RAB3C: variants seen among roughly 807,000 people sequenced by gnomAD.
RAB3C encodes the protein RAB3C, member RAS oncogene family.
Under a neutral mutation model 26.4 loss-of-function variants are expected in RAB3C, and 17 were observed. That is an observed-to-expected ratio of 0.64 (90% CI 0.44 to 0.97). The LOEUF (loss-of-function observed/expected upper bound fraction) is 0.97, where lower values mean the gene tolerates loss of function less well. Among genes scored for constraint, RAB3C ranks in the 50% least tolerant of loss-of-function variants. The pLI, the probability that RAB3C is intolerant of heterozygous loss-of-function variation, is 0.00. For missense variants in RAB3C, 242 were observed against 281.9 expected (o/e 0.86, Z 1.01); for synonymous variants, 91 against 95.9 (o/e 0.95, Z 0.30).
At chr5:58,591,820 C>T (rs971254460) in intron 1 of RAB3C, among the ~76,000 whole-genome samples, 3 of 144,342 alleles carry the variant, frequency 2.1e-5, no homozygotes, top group Admixed American at 6.9e-5. Context: ...TTCTCTGTTT[C>T]GTTTTTATAT....
At chr5:58,769,203 T>C (rs1024507205) in intron 3 of RAB3C, among the ~76,000 whole-genome samples, 2 of 151,834 alleles carry the variant, frequency 1.3e-5, no homozygotes, top group African/African-American at 4.8e-5. Flanking sequence ...GGGGTGAAGG[T>C]AGAGATAGCA....
intron 4 of RAB3C, among the ~76,000 whole-genome samples, chr5:58,833,174 G>C (rs1743655210): frequency 6.6e-6 from 1 of 152,068 alleles, no homozygotes; most frequent in Non-Finnish European, 1.5e-5. Context: ...CTAAAGGATA[G>C]ACTGGAGGGT....
intron 2 of RAB3C, among the ~76,000 whole-genome samples, chr5:58,649,239 A>T (rs1375464229): frequency 6.6e-6 from 1 of 152,098 alleles, no homozygotes; most frequent in African/African-American, 2.4e-5. Flanking sequence ...ACTAAGTAGG[A>T]TCTAAGACAT....
In RAB3C at chr5:58,851,609, C is replaced by G; in HGVS notation, c.*258C>G. On this transcript the variant is annotated 3_prime_UTR_variant, in exon 5 of 5. Coordinates refer to ENST00000282878, the MANE Select transcript of RAB3C (RefSeq NM_138453.4). ...ACTTGTTATTTATTTGTCTGCTAGG[C>G]TCTTTTTGTTTCAAATTTGTTCTCA... 2.8e-6 allele frequency: 1 copy of G among 354,020 alleles called. No individual in the cohort carries two copies. The allele number at this position is 354,020 out of a possible 1,614,324, so 21.9% of individuals were successfully genotyped here.
chr5:58,697,444 C>T (rs757656426), intron 2 of RAB3C, among the ~76,000 whole-genome samples: 8 of 151,854 alleles, frequency 5.3e-5, no homozygotes, highest in African/African-American at 9.7e-5. Context: ...TAGGTCTGCT[C>T]GTTGCAGAGC....
chr5:58,611,996 C>A (rs1746713835), intron 1 of RAB3C, among the ~76,000 whole-genome samples: 1 of 152,058 alleles, frequency 6.6e-6, no homozygotes, highest in Non-Finnish European at 1.5e-5. Context: ...GAGTCCTTTC[C>A]CCATTGCTTG....
chr5:58,756,342 ATATGT>A (rs1741657976), intron 3 of RAB3C, among the ~76,000 whole-genome samples: 11 of 138,452 alleles, frequency 7.9e-5, no homozygotes, highest in Non-Finnish European at 1.5e-4. Flanking sequence ...TATAACATAT[ATATGT>A]TATATATATA....
intron 2 of RAB3C, among the ~76,000 whole-genome samples, chr5:58,705,613 T>C (rs1033255506): frequency 6.6e-6 from 1 of 152,144 alleles, no homozygotes; most frequent in African/African-American, 2.4e-5. Flanking sequence ...AGGGAGAATA[T>C]AAGTCTCTTG....
intron 2 of RAB3C, among the ~76,000 whole-genome samples, chr5:58,674,511 A>G (rs1250240319): frequency 1.3e-5 from 2 of 152,248 alleles, no homozygotes. Context: ...TATAATGCCA[A>G]GAAATCATGT....
chr5:58,785,627 G>A (rs754737490), intron 3 of RAB3C, among the ~76,000 whole-genome samples: 33 of 152,178 alleles, frequency 2.2e-4, no homozygotes, highest in Non-Finnish European at 4.0e-4. Context: ...GGTCCAGTGT[G>A]TAATTGAGTT....
intron 3 of RAB3C, among the ~76,000 whole-genome samples, chr5:58,812,829 T>A (rs1011799882): frequency 1.3e-5 from 2 of 152,232 alleles, no homozygotes; most frequent in African/African-American, 4.8e-5. Context: ...AGTCATATAG[T>A]GGCTCTGTGG....
chr5:58,747,512 C>G (rs898059805), intron 3 of RAB3C, among the ~76,000 whole-genome samples: 10 of 152,106 alleles, frequency 6.6e-5, no homozygotes, highest in African/African-American at 2.2e-4. Flanking sequence ...TACCATCTGC[C>G]TCTTTCCTTT....
rs78185873 is a variant in RAB3C at position 58,700,168 on chromosome 5, T to C, written c.253-25834T>C. 5.2e-3 allele frequency among the ~76,000 whole-genome samples: 797 copies of C among 152,318 alleles called. 3 individuals are homozygous for C. Among genetic ancestry groups the C allele is most frequent in the Non-Finnish European group, 8.6e-3 (582 of 68,018 alleles). On this transcript the variant is annotated intron_variant, in intron 2 of 4. Coordinates refer to ENST00000282878, the MANE Select transcript of RAB3C (RefSeq NM_138453.4). ...CCCATCTATACAATTTTTAAATGAG[T>C]CAGCATGGTGCATGACACGTGGTAG...
chr5:58,595,842 A>G (rs976186748), intron 1 of RAB3C, among the ~76,000 whole-genome samples: 1 of 152,190 alleles, frequency 6.6e-6, no homozygotes, highest in Non-Finnish European at 1.5e-5. Flanking sequence ...ATATTTTATC[A>G]TATCCACAAG....
At chr5:58,726,783 T>C (rs1740899922) in intron 3 of RAB3C, among the ~76,000 whole-genome samples, 1 of 152,002 alleles carries the variant, frequency 6.6e-6, no homozygotes, top group Non-Finnish European at 1.5e-5. Flanking sequence ...TGAAAATACT[T>C]CTGACCCTGA....
rs113830925 is a variant in RAB3C at position 58,704,010 on chromosome 5, C to T, written c.253-21992C>T. The stretch of plus-strand genomic sequence containing the variant: ...ACTAAAAAGATGAAATGACCTCTCA[C>T]AAGTCACTGAGCAGGTTTGTAGAAG... On this transcript the variant is annotated intron_variant, in intron 2 of 4. Coordinates refer to ENST00000282878, the MANE Select transcript of RAB3C (RefSeq NM_138453.4). Among the ~76,000 whole-genome samples the T allele has an allele frequency of 3.9e-3, 599 of 152,252 alleles. 1 individual carries two copies. The highest frequency in any genetic ancestry group is 0.012 in the African/African-American group (502 of 41,544).
At chr5:58,615,707 T>A (rs1279475635) in intron 1 of RAB3C, among the ~76,000 whole-genome samples, 1 of 152,078 alleles carries the variant, frequency 6.6e-6, no homozygotes, top group African/African-American at 2.4e-5. Context: ...TTGTTATAGG[T>A]TTTCACAATT....
At chr5:58,790,926 T>A (rs1445585821) in intron 3 of RAB3C, among the ~76,000 whole-genome samples, 1 of 152,094 alleles carries the variant, frequency 6.6e-6, no homozygotes, top group Admixed American at 6.5e-5. Context: ...TCTCGCTGGA[T>A]CAGTTTCCCC....
At chr5:58,611,745 A>G (rs907669882) in intron 1 of RAB3C, among the ~76,000 whole-genome samples, 1 of 152,062 alleles carries the variant, frequency 6.6e-6, no homozygotes, top group Non-Finnish European at 1.5e-5. Flanking sequence ...ATTAGAACCT[A>G]TTTGCCAATT....
Sources: allele counts gnomAD v4.1 joint callset (sites outside exome capture counted in the v4.1 genomes callset), GRCh38; gene constraint gnomAD v4.1.1; transcripts MANE v1.5; gene names NCBI Gene and HGNC (gene_info 2026-07-23, HGNC 2026-07-21).